GAGE10: variants seen among roughly 807,000 people sequenced by gnomAD.
GAGE10 encodes G antigen 10.
Under a neutral mutation model 11.5 loss-of-function variants are expected in GAGE10, and 9 were observed. The ratio of observed to expected loss-of-function variants is 0.78; its 90% CI spans 0.47 to 1.37. GAGE10 has a LOEUF of 1.37. Among genes scored for constraint, GAGE10 ranks in the 40% most tolerant of loss-of-function variants. The pLI is 0.00. For missense variants in GAGE10, 83 were observed against 92.9 expected (o/e 0.89, Z 0.44); for synonymous variants, 23 against 29.7 (o/e 0.77, Z 0.73).
chrX:49,308,529 T>C (rs1557124391), intron 3 of GAGE10, among the ~76,000 whole-genome samples: 2 of 111,733 alleles, frequency 1.8e-5, no homozygotes, highest in Non-Finnish European at 1.9e-5. Flanking sequence ...GCCCATCCCA[T>C]AGGGATGAAG....
intron 3 of GAGE10, among the ~76,000 whole-genome samples, chrX:49,309,032 G>T (rs2066366849): frequency 8.9e-6 from 1 of 112,222 alleles, no homozygotes; most frequent in Admixed American, 9.4e-5. Context: ...TGAGGCAAGT[G>T]CGGGGGAAAT....
intron 3 of GAGE10, among the ~76,000 whole-genome samples, chrX:49,314,475 C>A (rs1157322702): frequency 8.9e-6 from 1 of 112,378 alleles, no homozygotes; most frequent in Non-Finnish European, 1.9e-5. Flanking sequence ...GTCAACCAAA[C>A]CAAATTGTAA....
intron 4 of GAGE10, among the ~76,000 whole-genome samples, chrX:49,317,708 A>G (rs1193165735): frequency 1.8e-5 from 2 of 111,765 alleles, no homozygotes; most frequent in Non-Finnish European, 3.8e-5. Context: ...GAGAGTTCTT[A>G]TATGAAGGTT....
intron 3 of GAGE10, among the ~76,000 whole-genome samples, chrX:49,312,991 G>C (rs781783482): frequency 1.2e-4 from 13 of 112,428 alleles, no homozygotes; most frequent in African/African-American, 4.2e-4. Flanking sequence ...CCTGCTTGTA[G>C]AGTTCACTGA....
chrX:49,317,630 G>A (rs2066398932), intron 4 of GAGE10, among the ~76,000 whole-genome samples: 1 of 96,378 alleles, frequency 1.0e-5, no homozygotes, highest in South Asian at 5.7e-4. Context: ...TTACATGCGA[G>A]AGCCACCATA....
intron 3 of GAGE10, among the ~76,000 whole-genome samples, chrX:49,314,867 C>A (rs2066386218): frequency 8.9e-6 from 1 of 112,140 alleles, no homozygotes; most frequent in Admixed American, 9.5e-5. Context: ...CTTTGCCTAA[C>A]CCTGCCAGTG....
At chrX:49,316,556 C>T (rs1400776180) in intron 3 of GAGE10, among the ~76,000 whole-genome samples, 4 of 111,528 alleles carry the variant, frequency 3.6e-5, no homozygotes, top group Non-Finnish European at 7.5e-5. Flanking sequence ...CCACGCCCAA[C>T]GCAGATAATT....
intron 1 of GAGE10, among the ~76,000 whole-genome samples, chrX:49,304,643 A>G (rs1557123830): frequency 8.9e-6 from 1 of 112,964 alleles, no homozygotes; most frequent in East Asian, 2.8e-4. Flanking sequence ...GCGTTTTGTC[A>G]CACGCCTTAA....
At chrX:49,305,033 G>A (rs1557123915) in intron 2 of GAGE10, 93 bp downstream of exon 2, 1 of 1,051,659 alleles carries the variant, frequency 9.5e-7, no homozygotes, top group Non-Finnish European at 1.3e-6. Context: ...GCTGATAAAG[G>A]TCTTTCCTGC....
intron 3 of GAGE10, among the ~76,000 whole-genome samples, chrX:49,315,900 C>A (rs1305706150): frequency 9.0e-6 from 1 of 111,704 alleles, no homozygotes; most frequent in Non-Finnish European, 1.9e-5. Context: ...ACTATAAAGG[C>A]AATAGTAACC....
At chrX:49,308,894 T>C (rs1377995974) in intron 3 of GAGE10, among the ~76,000 whole-genome samples, 1 of 111,524 alleles carries the variant, frequency 9.0e-6, no homozygotes, top group Non-Finnish European at 1.9e-5. Flanking sequence ...GAGAGGCCCG[T>C]TTTGTCCGAT....
chrX:49,310,791 G>A lies in GAGE10; in HGVS notation c.202+5267G>A, dbSNP rs5953289. On this transcript the variant is annotated intron_variant, in intron 3 of 4. Coordinates refer to ENST00000407599, the MANE Select transcript of GAGE10 (RefSeq NM_001098413.4). ...AAAGAACTGTGCTACTATCGTAGGG[G>A]GTACAGGGGCCAAAGAAAAGAGACC... Among the ~76,000 whole-genome samples the A allele has an allele frequency of 5.9e-3, 658 of 111,101 alleles. 3 individuals carry two copies. The highest frequency in any genetic ancestry group is 8.2e-3 in the Non-Finnish European group (433 of 52,948).
intron 3 of GAGE10, among the ~76,000 whole-genome samples, chrX:49,312,589 T>C (rs2066379099): frequency 8.9e-6 from 1 of 112,765 alleles, no homozygotes; most frequent in African/African-American, 3.2e-5. Flanking sequence ...CAGGCAGCAA[T>C]GAGAAAGGCT....
chrX:49,306,719 A>G (rs1602726028), intron 3 of GAGE10, among the ~76,000 whole-genome samples: 1 of 111,909 alleles, frequency 8.9e-6, no homozygotes, highest in African/African-American at 3.2e-5. Flanking sequence ...AGCTGGGCTG[A>G]ATGCTGTGCA....
At chrX:49,315,278 C>A (rs1312927866) in intron 3 of GAGE10, among the ~76,000 whole-genome samples, 1 of 111,914 alleles carries the variant, frequency 8.9e-6, no homozygotes, top group Non-Finnish European at 1.9e-5. Context: ...CTTAGGGTAT[C>A]CAGTTTATGA....
At chrX:49,311,216 C>A (rs782117703) in intron 3 of GAGE10, among the ~76,000 whole-genome samples, 3 of 111,931 alleles carry the variant, frequency 2.7e-5, no homozygotes, top group Non-Finnish European at 5.6e-5. Context: ...AATATCCCTA[C>A]CCAGAGAGGC....
chrX:49,305,993 T>C (rs1280217489), intron 3 of GAGE10, among the ~76,000 whole-genome samples: 4 of 111,869 alleles, frequency 3.6e-5, no homozygotes, highest in Non-Finnish European at 7.5e-5. Context: ...ACCGAGTCAC[T>C]GAATGTCAGC....
At chrX:49,317,369 A>G (rs1269091352) in intron 4 of GAGE10, 81 bp downstream of exon 4, 1 of 1,127,925 alleles carries the variant, frequency 8.9e-7, no homozygotes, top group African/African-American at 1.8e-5. Context: ...CATTTTTGAG[A>G]TGGAGTCTTG....
chrX:49,304,714 A>C (rs2066349011), intron 1 of GAGE10, 138 bp from the exon 2 acceptor site: 2 of 857,131 alleles, frequency 2.3e-6, no homozygotes, highest in Admixed American at 4.8e-5. Flanking sequence ...GAAAAGGTAC[A>C]CACATATGCT....
Sources: allele counts gnomAD v4.1 joint callset (sites outside exome capture counted in the v4.1 genomes callset), GRCh38; gene constraint gnomAD v4.1.1; transcripts MANE v1.5; gene names NCBI Gene and HGNC (gene_info 2026-07-23, HGNC 2026-07-21).